The following ZNRF1 variants were observed in gnomAD, a reference collection of about 807,000 sequenced individuals.
ZNRF1 encodes E3 ubiquitin-protein ligase ZNRF1.
In ZNRF1, 3 loss-of-function variants were observed where a neutral mutation model predicts 18.4. That is an observed-to-expected ratio of 0.16 (90% CI 0.07 to 0.42). The LOEUF is 0.42. Among genes scored for constraint, ZNRF1 ranks in the 10% least tolerant of loss-of-function variants. ZNRF1 has a pLI of 0.99. For synonymous variants in ZNRF1, 157 were observed against 144.2 expected, an observed-to-expected ratio of 1.09 and a Z score of -0.64; for missense variants, 310 against 329.8, an observed-to-expected ratio of 0.94 and a Z score of 0.47.
At chr16:75,074,326 C>T (rs921374498) in intron 1 of ZNRF1, among the ~76,000 whole-genome samples, 20 of 152,172 alleles carry the variant, frequency 1.3e-4, no homozygotes, top group African/African-American at 4.8e-4. Context: ...CTCCATATGC[C>T]AGCATGTAGC....
intron 1 of ZNRF1, among the ~76,000 whole-genome samples, chr16:75,060,301 C>G (rs1054817377): frequency 6.6e-6 from 1 of 152,034 alleles, no homozygotes; most frequent in Non-Finnish European, 1.5e-5. Context: ...ATCCGCCCAT[C>G]TTGCCTCCCA....
chr16:75,012,884 G>A (rs2035017036), intron 1 of ZNRF1, among the ~76,000 whole-genome samples: 1 of 152,154 alleles, frequency 6.6e-6, no homozygotes, highest in Non-Finnish European at 1.5e-5. Context: ...TTCAAAGCCT[G>A]TTACCGGTTC....
At chr16:75,090,893 C>T (rs902316147) in intron 1 of ZNRF1, among the ~76,000 whole-genome samples, 5 of 152,126 alleles carry the variant, frequency 3.3e-5, no homozygotes, top group Admixed American at 6.5e-5. Flanking sequence ...GAGTTAGGCA[C>T]CCAATTAAAT....
chr16:75,000,324 G>C (rs768936805), intron 1 of ZNRF1: 4 of 714,308 alleles, frequency 5.6e-6, no homozygotes, highest in Non-Finnish European at 1.0e-5. Context: ...TTCACTTGTG[G>C]AAGGGCAGAG....
In ZNRF1 at chr16:75,015,465, C is replaced by T. The variant is rs893571754; in HGVS notation, c.424+15370C>T. 1.5e-4 allele frequency among the ~76,000 whole-genome samples: 23 copies of T among 152,166 alleles called. 1 individual carries two copies. Among genetic ancestry groups the T allele is most frequent in the Admixed American group, 1.4e-3 (22 of 15,268 alleles). On this transcript the variant is annotated intron_variant, in intron 1 of 4. Coordinates refer to ENST00000335325, the MANE Select transcript of ZNRF1 (RefSeq NM_032268.5). The stretch of plus-strand genomic sequence containing the variant: ...TGGCACATGCTTGTAATCCCAGCTA[C>T]TCAGGAGGCTGAGGCAGGAGAATCG...
At position 75,040,314 on chromosome 16, in the gene ZNRF1, G is replaced by C. The variant is rs562535020; in HGVS notation, c.424+40219G>C. 7.8e-4 allele frequency among the ~76,000 whole-genome samples: 119 copies of C among 151,984 alleles called. 7 individuals carry two copies. The South Asian group carries it at 0.024, about 31-fold the overall frequency. On this transcript the variant is annotated intron_variant, in intron 1 of 4. Coordinates refer to ENST00000335325, the MANE Select transcript of ZNRF1 (RefSeq NM_032268.5). ...CTGCCACCTAGGCTGGAGTACAGTA[G>C]TGAGACTGTAGCTCACTGCAGCCTC...
At chr16:75,048,979 G>C (rs1173526338) in intron 1 of ZNRF1, among the ~76,000 whole-genome samples, 1 of 148,642 alleles carries the variant, frequency 6.7e-6, no homozygotes, top group Non-Finnish European at 1.5e-5. Flanking sequence ...TTCTTTATTA[G>C]TTTTTTATTT....
At position 75,108,553 on chromosome 16, in the gene ZNRF1, C is replaced by G; in HGVS notation, c.*853C>G. ...AACATTTTAGCCATTGATGTTCACA[C>G]GTGGCATCAGCCCATGCAAGATAGG... On this transcript the variant is annotated 3_prime_UTR_variant, in exon 5 of 5. Transcript: ENST00000335325. 1 of 398,562 alleles carries G rather than the reference C, an allele frequency of 2.5e-6. No homozygotes were observed. The highest frequency in any genetic ancestry group is 3.6e-5 in the East Asian group (1 of 28,054). 24.7% of individuals were successfully genotyped at this position (398,562 alleles called of 1,614,324 possible).
At position 75,083,502 on chromosome 16, in the gene ZNRF1, C is replaced by G. The variant is rs374937416; in HGVS notation, c.425-10070C>G. 3.3e-5 allele frequency among the ~76,000 whole-genome samples: 5 copies of G among 152,236 alleles called. No individual in the cohort carries two copies. The South Asian group carries it at 1.0e-3, about 32-fold the overall frequency. ...CATGCTTAGAGTAGAAAATGAAGAT[C>G]ACTACTAAGAGGATCTTTATAGTTG... On this transcript the variant is annotated intron_variant, in intron 1 of 4. Transcript: ENST00000335325.
intron 1 of ZNRF1, among the ~76,000 whole-genome samples, chr16:75,072,658 T>C (rs1011203149): frequency 2.0e-5 from 3 of 152,242 alleles, no homozygotes; most frequent in Non-Finnish European, 4.4e-5. Context: ...GGATTAGCTA[T>C]GTTGTAGTAT....
chr16:75,101,311 T>C (rs1280376474), intron 2 of ZNRF1, among the ~76,000 whole-genome samples: 1 of 152,196 alleles, frequency 6.6e-6, no homozygotes, highest in Admixed American at 6.5e-5. Flanking sequence ...ATCTCAGCAC[T>C]TTGGGAGGCC....
At chr16:75,015,268 T>A (rs2035051264) in intron 1 of ZNRF1, among the ~76,000 whole-genome samples, 1 of 152,248 alleles carries the variant, frequency 6.6e-6, no homozygotes, top group Non-Finnish European at 1.5e-5. Context: ...AAATTTGCAC[T>A]TTGTATTTAA....
rs1237678613 is a variant in ZNRF1, at chr16:75,110,875, C to T, written c.*3175C>T. The T allele has an allele frequency of 6.6e-6, 1 of 152,130 alleles. No homozygotes were observed. Among genetic ancestry groups the T allele is most frequent in the Non-Finnish European group, 1.5e-5 (1 of 68,114 alleles). 9.4% of individuals were successfully genotyped at this position (152,130 alleles called of 1,614,324 possible). ...GCGAGAGGGCTGTCTCGGTGATGAG[C>T]ACACGCGTGCTGGGGTGGTTTGGGG... is the stretch of plus-strand genomic sequence containing the variant. On this transcript the variant is annotated 3_prime_UTR_variant, in exon 5 of 5. Coordinates refer to ENST00000335325, the MANE Select transcript of ZNRF1 (RefSeq NM_032268.5).
chr16:75,085,147 A>C (rs2036058723), intron 1 of ZNRF1, among the ~76,000 whole-genome samples: 1 of 152,182 alleles, frequency 6.6e-6, no homozygotes, highest in Non-Finnish European at 1.5e-5. Flanking sequence ...ATGATATAGA[A>C]CATTTTTGTC....
chr16:75,067,361 C>T (rs1237780189), intron 1 of ZNRF1, among the ~76,000 whole-genome samples: 2 of 152,036 alleles, frequency 1.3e-5, no homozygotes, highest in African/African-American at 2.4e-5. Context: ...CCCCATGTCT[C>T]GATAGAGGAG....
chr16:75,008,065 GAA>G (rs1271799836), intron 1 of ZNRF1, among the ~76,000 whole-genome samples: 1 of 151,790 alleles, frequency 6.6e-6, no homozygotes, highest in Non-Finnish European at 1.5e-5. Context: ...TTTCGGTAGA[GAA>G]GGGGTCTCAC....
chr16:75,032,702 A>T (rs1323747502), intron 1 of ZNRF1, among the ~76,000 whole-genome samples: 1 of 152,200 alleles, frequency 6.6e-6, no homozygotes, highest in Non-Finnish European at 1.5e-5. Context: ...ACAACTCAAC[A>T]ACCAAAAGAC....
At chr16:75,101,059 A>G (rs1414890648) in intron 2 of ZNRF1, among the ~76,000 whole-genome samples, 1 of 152,098 alleles carries the variant, frequency 6.6e-6, no homozygotes, top group African/African-American at 2.4e-5. Context: ...TCAGCCTCCC[A>G]AGTAGCTGGG....
At chr16:75,066,858 G>A (rs2035811328) in intron 1 of ZNRF1, among the ~76,000 whole-genome samples, 1 of 152,042 alleles carries the variant, frequency 6.6e-6, no homozygotes, top group East Asian at 1.9e-4. Context: ...TAGAAATTCA[G>A]GGCTATTTCA....
Sources: gnomAD v4.1 joint callset for allele counts (sites outside exome capture counted in the v4.1 genomes callset) on GRCh38, gnomAD v4.1.1 for gene constraint, MANE v1.5 for transcripts, NCBI Gene and HGNC (gene_info 2026-07-23, HGNC 2026-07-21) for gene names.